Variants in MICAL2 observed in about 807,000 individuals in gnomAD.
MICAL2 encodes [F-actin]-monooxygenase MICAL2.
Under a neutral mutation model 127.3 loss-of-function variants are expected in MICAL2, and 77 were observed. The observed-to-expected ratio is 0.60, with a 90% CI of 0.50 to 0.73. The LOEUF is 0.73. Among genes scored for constraint, MICAL2 ranks in the 30% least tolerant of loss-of-function variants. MICAL2 has a pLI of 0.00. For missense variants in MICAL2, 1,351 were observed against 1,434.4 expected (o/e 0.94, Z 0.94); for synonymous variants, 570 against 551.1 (o/e 1.03, Z -0.48).
intron 2 of MICAL2, among the ~76,000 whole-genome samples, chr11:12,140,755 A>G (rs567085446): frequency 1.3e-5 from 2 of 152,348 alleles, no homozygotes; most frequent in East Asian, 3.9e-4. Flanking sequence ...TGGGAGAAGC[A>G]GATCCTACTG....
At chr11:12,301,693 C>T (rs1015183843) in intron 29 of MICAL2, among the ~76,000 whole-genome samples, 1 of 152,092 alleles carries the variant, frequency 6.6e-6, no homozygotes, top group Non-Finnish European at 1.5e-5. Flanking sequence ...GGCTGGGGCT[C>T]AGTAGAGTCA....
At chr11:12,351,447 A>G (rs559728799) in intron 33 of MICAL2, among the ~76,000 whole-genome samples, 3 of 152,188 alleles carry the variant, frequency 2.0e-5, no homozygotes, top group Non-Finnish European at 4.4e-5. Flanking sequence ...TAAACATCCT[A>G]CAAAGTACAA....
chr11:12,162,955 A>G (rs1489395587), intron 3 of MICAL2, among the ~76,000 whole-genome samples: 2 of 152,162 alleles, frequency 1.3e-5, no homozygotes, highest in Non-Finnish European at 2.9e-5. Context: ...TGGACATTTT[A>G]GAAAGATCCC....
chr11:12,163,935 GAGGGTTTTC>G (rs1468571305), intron 3 of MICAL2, among the ~76,000 whole-genome samples: 17 of 152,204 alleles, frequency 1.1e-4, no homozygotes, highest in Admixed American at 9.2e-4. Flanking sequence ...TTCTCTCACA[GAGGGTTTTC>G]AGAGCTCTGG....
chr11:12,227,457 G>A (rs1857625847), intron 15 of MICAL2, among the ~76,000 whole-genome samples: 1 of 152,214 alleles, frequency 6.6e-6, no homozygotes, highest in African/African-American at 2.4e-5. Context: ...TCACTGTGCT[G>A]AGCAGTTTAG....
intron 26 of MICAL2, chr11:12,260,494 G>A (rs1399498573): frequency 5.6e-6 from 6 of 1,077,576 alleles, no homozygotes; most frequent in South Asian, 4.1e-5. Flanking sequence ...CTAAACATGG[G>A]TTTGAAGCTT....
intron 30 of MICAL2, among the ~76,000 whole-genome samples, chr11:12,321,234 C>T (rs923178107): frequency 6.6e-6 from 1 of 152,178 alleles, no homozygotes; most frequent in African/African-American, 2.4e-5. Flanking sequence ...ACCTGGCCCA[C>T]TCTTACACTA....
chr11:12,180,156 C>T (rs1857263859), intron 3 of MICAL2, among the ~76,000 whole-genome samples: 1 of 151,740 alleles, frequency 6.6e-6, no homozygotes, highest in East Asian at 1.9e-4. Context: ...ACCGTGACTA[C>T]CTTGTATTGT....
intron 16 of MICAL2, among the ~76,000 whole-genome samples, chr11:12,238,498 G>A (rs1319532991): frequency 6.6e-6 from 1 of 152,152 alleles, no homozygotes; most frequent in Non-Finnish European, 1.5e-5. Flanking sequence ...CTTCCCCAAA[G>A]TCTAATCATG....
At chr11:12,191,344 T>C (rs751555161) in intron 3 of MICAL2, among the ~76,000 whole-genome samples, 9 of 151,492 alleles carry the variant, frequency 5.9e-5, no homozygotes, top group Non-Finnish European at 5.9e-5. Flanking sequence ...TGGTGGCATG[T>C]GTCTGTAATC....
At chr11:12,285,034 A>T (rs772486137) in intron 2 of MICAL2, among the ~76,000 whole-genome samples, 1 of 152,222 alleles carries the variant, frequency 6.6e-6, no homozygotes, top group Non-Finnish European at 1.5e-5. Flanking sequence ...ATTATTACTT[A>T]AATCAGTCTC....
chr11:12,217,680 T>A (rs1856355430), intron 8 of MICAL2, among the ~76,000 whole-genome samples: 1 of 152,130 alleles, frequency 6.6e-6, no homozygotes, highest in Non-Finnish European at 1.5e-5. Context: ...CCTGGGATGC[T>A]AAGGTCACCC....
intron 2 of MICAL2, among the ~76,000 whole-genome samples, chr11:12,146,464 C>T (rs11022205): frequency 0.48 from 72,537 of 152,072 alleles, 17,936 homozygotes; most frequent in South Asian, 0.68. Flanking sequence ...TGAAAAAATG[C>T]TCATCATCAC....
intron 5 of MICAL2, 43 bp downstream of exon 5, chr11:12,208,182 C>A: frequency 6.9e-7 from 1 of 1,456,432 alleles, no homozygotes; most frequent in Non-Finnish European, 9.6e-7. Flanking sequence ...GCAGATACTA[C>A]AAAATAGAAA....
intron 3 of MICAL2, among the ~76,000 whole-genome samples, chr11:12,171,642 A>G (rs1856265866): frequency 6.6e-6 from 1 of 152,176 alleles, no homozygotes; most frequent in Non-Finnish European, 1.5e-5. Flanking sequence ...AATTTGTAAG[A>G]GTGCATTCAG....
At chr11:12,235,377 CAG>C (rs771537848) in intron 15 of MICAL2, among the ~76,000 whole-genome samples, 3 of 152,114 alleles carry the variant, frequency 2.0e-5, no homozygotes, top group Non-Finnish European at 2.9e-5. Context: ...ATGCAGGCAG[CAG>C]AGAGTGGGCT....
intron 1 of MICAL2, chr11:12,276,667 G>C (rs540982400): frequency 3.9e-5 from 6 of 152,518 alleles, no homozygotes; most frequent in African/African-American, 1.2e-4. Flanking sequence ...GTGGTTATTA[G>C]ACATGCAGAC....
At chr11:12,338,487 TC>T (rs1938805054) in intron 32 of MICAL2, among the ~76,000 whole-genome samples, 1 of 152,230 alleles carries the variant, frequency 6.6e-6, no homozygotes, top group Non-Finnish European at 1.5e-5. Context: ...GTGAATTTGA[TC>T]CTGTCATTAT....
rs1590721511 is a variant in MICAL2, at chr11:12,286,948, G to A, written c.255-139G>A. ...GGACAGCAGTATGGTGTGAGGGAAG[G>A]AGAGAGTTCAGTCTATTATAATCAT... On this transcript the variant is annotated intron_variant, in intron 2 of 2. Coordinates refer to the MICAL2 transcript ENST00000529028. The A allele has an allele frequency of 1.5e-5, 6 of 394,146 alleles. No individual in the cohort carries two copies. The East Asian group carries it at 2.2e-4, about 14-fold the overall frequency. 24.4% of individuals were successfully genotyped at this position (394,146 alleles called of 1,614,324 possible).
Sources: allele counts gnomAD v4.1 joint callset (sites outside exome capture counted in the v4.1 genomes callset), GRCh38; gene constraint gnomAD v4.1.1; transcripts MANE v1.5; gene names NCBI Gene and HGNC (gene_info 2026-07-23, HGNC 2026-07-21).